ARMC3: variants seen among roughly 807,000 people sequenced by gnomAD.
The protein encoded by ARMC3 is armadillo repeat-containing protein 3.
Under a neutral mutation model 90.3 loss-of-function variants are expected in ARMC3, and 74 were observed. The observed-to-expected ratio is 0.82, with a 90% CI of 0.68 to 0.99. ARMC3 has a LOEUF of 0.99. ARMC3 is among the 50% of genes least tolerant of loss of function. The pLI is 0.00. For missense variants in ARMC3, 958 were observed against 1,042.8 expected (o/e 0.92, Z 1.12); for synonymous variants, 334 against 361.8 (o/e 0.92, Z 0.87).
intron 16 of ARMC3, among the ~76,000 whole-genome samples, chr10:23,014,889 CA>C (rs779670823): frequency 1.5e-3 from 93 of 63,094 alleles, no homozygotes; most frequent in Middle Eastern, 0.021. Flanking sequence ...ATAATCTGTA[CA>C]AAAAAAAAAA....
intron 3 of ARMC3, among the ~76,000 whole-genome samples, chr10:22,950,565 GA>G (rs1293408015): frequency 2.0e-5 from 3 of 151,872 alleles, no homozygotes; most frequent in African/African-American, 4.8e-5. Flanking sequence ...TGAATATGAA[GA>G]AAAAAGAAAA....
At chr10:23,030,910 C>A in intron 17 of ARMC3, 114 bp downstream of exon 17, 1 of 1,104,330 alleles carries the variant, frequency 9.1e-7, no homozygotes, top group Non-Finnish European at 1.3e-6. Context: ...GTTTACAGCA[C>A]TCTGACTCTG....
chr10:22,933,082 T>C (rs1328900866), intron 2 of ARMC3, among the ~76,000 whole-genome samples: 1 of 152,188 alleles, frequency 6.6e-6, no homozygotes, highest in Non-Finnish European at 1.5e-5. Flanking sequence ...AACACACACT[T>C]GCACCCCTGT....
At chr10:23,005,723 G>C (rs1229601383) in intron 13 of ARMC3, among the ~76,000 whole-genome samples, 1 of 152,142 alleles carries the variant, frequency 6.6e-6, no homozygotes, top group Non-Finnish European at 1.5e-5. Flanking sequence ...AATTAGCTGG[G>C]CATGGTGGCA....
rs139911525 is a variant in ARMC3 at position 22,929,191 on chromosome 10, C to T, written c.-2+1085C>T. 2.2e-3 allele frequency among the ~76,000 whole-genome samples: 332 copies of T among 150,438 alleles called. 1 individual carries two copies. The highest frequency in any genetic ancestry group is 0.017 in the Middle Eastern group (5 of 294). On this transcript the variant is annotated intron_variant, in intron 1 of 18. Coordinates refer to ENST00000298032, the MANE Select transcript of ARMC3 (RefSeq NM_173081.5). ...CAATGAGCCAAGATCAGGCCACTCT[C>T]CAGCCTGGGCAACAGAGTGAGACTC...
Position 22,981,650 on chromosome 10 carries a change from A to C in ARMC3, c.1125A>C (p.Ala375=). The stretch of plus-strand genomic sequence containing the variant: ...GTGACAATGAAGAGGTACGGGAAGC[A>C]GCAGCTCTAGCCCTGGCAAACCTAA... ...LKSDNEEVRE[A]AALALANLTT... The change falls in exon 10 of 19, where the codon GCA becomes GCC. Residue 375 remains alanine, a synonymous_variant. Transcript: ENST00000298032. The C allele has an allele frequency of 6.2e-7, 1 of 1,614,158 alleles. No individual in the cohort carries two copies. The highest frequency in any genetic ancestry group is 8.5e-7 in the Non-Finnish European group (1 of 1,180,012).
chr10:22,981,732 T>C (rs781409559), intron 10 of ARMC3, 32 bp downstream of exon 10: 12 of 1,554,774 alleles, frequency 7.7e-6, no homozygotes, highest in Middle Eastern at 1.7e-4. Flanking sequence ...CAGCACTGAC[T>C]TGTGGGACAA....
At chr10:23,021,182 A>G (rs1331682312) in intron 16 of ARMC3, among the ~76,000 whole-genome samples, 1 of 152,224 alleles carries the variant, frequency 6.6e-6, no homozygotes, top group Non-Finnish European at 1.5e-5. Flanking sequence ...TATGGTGTAT[A>G]CATACGACAT....
chr10:22,970,351 T>C (rs934829816), intron 8 of ARMC3, among the ~76,000 whole-genome samples: 2 of 152,176 alleles, frequency 1.3e-5, no homozygotes, highest in Non-Finnish European at 2.9e-5. Context: ...GTTTTCAGAA[T>C]GGCCAATGAC....
intron 8 of ARMC3, among the ~76,000 whole-genome samples, chr10:22,975,169 C>A (rs754805647): frequency 6.6e-6 from 1 of 152,150 alleles, no homozygotes; most frequent in Non-Finnish European, 1.5e-5. Flanking sequence ...TGAGACCTTA[C>A]CTTACCTGTG....
intron 10 of ARMC3, among the ~76,000 whole-genome samples, chr10:22,989,350 C>T (rs1283921207): frequency 6.6e-6 from 1 of 152,052 alleles, no homozygotes; most frequent in Non-Finnish European, 1.5e-5. Context: ...TTCATTGTAC[C>T]GGTAGCTGGA....
chr10:23,037,659 G>T lies in ARMC3; in HGVS notation c.*180G>T. On this transcript the variant is annotated 3_prime_UTR_variant, in exon 19 of 19. Transcript: ENST00000298032. Reference sequence around the variant, plus strand: ...AACTTTGCTGTGCTTCTGATTTCAGGCTTTTGGCAAGAGTTCTGTCTTATT... The same window carrying T: ...AACTTTGCTGTGCTTCTGATTTCAGTCTTTTGGCAAGAGTTCTGTCTTATT... 1.7e-6 allele frequency: 1 copy of T among 599,938 alleles called. No homozygotes were observed. Among genetic ancestry groups the T allele is most frequent in the South Asian group, 3.4e-5 (1 of 29,282 alleles). The allele number at this position is 599,938 out of a possible 1,614,324, so 37.2% of individuals were successfully genotyped here.
chr10:22,957,156 C>CA (rs1364978604), intron 4 of ARMC3, among the ~76,000 whole-genome samples: 2 of 152,156 alleles, frequency 1.3e-5, no homozygotes, highest in African/African-American at 4.8e-5. Context: ...AAAACACAAG[C>CA]ACGGATTCTT....
At chr10:22,932,668 A>G (rs879854016) in intron 2 of ARMC3, among the ~76,000 whole-genome samples, 1 of 152,256 alleles carries the variant, frequency 6.6e-6, no homozygotes. Flanking sequence ...CAGTTTAGAA[A>G]CTTATTTTGA....
At chr10:23,008,998 T>C in intron 16 of ARMC3, 67 bp downstream of exon 16, 2 of 1,296,276 alleles carry the variant, frequency 1.5e-6, no homozygotes, top group Non-Finnish European at 2.2e-6. Context: ...GGCTCTTCAG[T>C]AGGAAGCTTT....
At chr10:22,945,758 C>T (rs2131185022) in intron 2 of ARMC3, among the ~76,000 whole-genome samples, 1 of 152,250 alleles carries the variant, frequency 6.6e-6, no homozygotes, top group Middle Eastern at 3.4e-3. Context: ...GTGCTAAGTG[C>T]TTTACATACA....
chr10:22,999,723 G>A (rs1837192737), intron 11 of ARMC3, among the ~76,000 whole-genome samples: 2 of 152,188 alleles, frequency 1.3e-5, no homozygotes, highest in South Asian at 4.1e-4. Context: ...ACACATCTGG[G>A]TCCAGAGCCC....
At chr10:22,985,933 GC>G (rs1836400853) in intron 10 of ARMC3, among the ~76,000 whole-genome samples, 1 of 152,014 alleles carries the variant, frequency 6.6e-6, no homozygotes, top group Admixed American at 6.6e-5. Context: ...TGTCACCTTG[GC>G]GAAGCTACTT....
chr10:22,948,447 C>G (rs1323811128), intron 3 of ARMC3, among the ~76,000 whole-genome samples: 1 of 151,370 alleles, frequency 6.6e-6, no homozygotes, highest in African/African-American at 2.4e-5. Context: ...GTAGTATTTT[C>G]TAAAATTAAA....
Sources: allele counts gnomAD v4.1 joint callset (sites outside exome capture counted in the v4.1 genomes callset), GRCh38; gene constraint gnomAD v4.1.1; transcripts MANE v1.5; gene names NCBI Gene and HGNC (gene_info 2026-07-23, HGNC 2026-07-21).